INPP5F: variants seen among roughly 807,000 people sequenced by gnomAD.
The protein encoded by INPP5F is phosphatidylinositide 4-phosphatase SAC2.
A neutral mutation model predicts 137.2 loss-of-function variants in INPP5F; 97 were observed. The ratio of observed to expected loss-of-function variants is 0.71; its 90% CI spans 0.60 to 0.84. The LOEUF (loss-of-function observed/expected upper bound fraction) is 0.84, where lower values mean the gene tolerates loss of function less well. INPP5F is among the 40% of genes least tolerant of loss of function. The probability of loss-of-function intolerance (pLI) is 0.00; values close to 1 mark genes in which losing one functional copy is unlikely to be tolerated. For missense variants in INPP5F, 1,271 were observed against 1,371.9 expected (o/e 0.93, Z 1.16); for synonymous variants, 504 against 476.9 (o/e 1.06, Z -0.74).
At chr10:119,806,157 A>T (rs750076276) in intron 11 of INPP5F, among the ~76,000 whole-genome samples, 53 of 151,516 alleles carry the variant, frequency 3.5e-4, no homozygotes, top group Admixed American at 5.9e-4. Flanking sequence ...TTTCCTTAAG[A>T]TGAGGATAAT....
chr10:119,796,622 A>C, intron 6 of INPP5F, 93 bp from the exon 7 acceptor site: 1 of 993,258 alleles, frequency 1.0e-6, no homozygotes, highest in Admixed American at 1.7e-5. Flanking sequence ...TGCTTCTAAT[A>C]AACTGAGAAA....
At position 119,755,706 on chromosome 10, in the gene INPP5F, C is replaced by T. The variant is rs1459605709; in HGVS notation, c.178+4550C>T. The stretch of plus-strand genomic sequence containing the variant: ...TCAAGTATCGTTGGCTAGGAACCCA[C>T]TCCAGATGTGGACTAATTCTGAAAG... On this transcript the variant is annotated intron_variant, in intron 2 of 19. Coordinates refer to ENST00000650623, the MANE Select transcript of INPP5F (RefSeq NM_014937.4). Among the ~76,000 whole-genome samples, 3 of 152,202 alleles carry T rather than the reference C, an allele frequency of 2.0e-5. No homozygotes were observed. The East Asian group carries it at 5.8e-4, about 29-fold the overall frequency.
At chr10:119,785,286 G>GTTTTTTTTTTTTTTTTGTTTTTTT (rs1849849539) in intron 3 of INPP5F, among the ~76,000 whole-genome samples, 12 of 106,238 alleles carry the variant, frequency 1.1e-4, no homozygotes, top group African/African-American at 4.5e-4. Context: ...CTGCCAGACT[G>GTTTTTTTTTTTTTTTTGTTTTTTT]TTTTTTTTTT....
chr10:119,764,512 G>T lies in INPP5F; in HGVS notation c.178+13356G>T, dbSNP rs149036515. Among the ~76,000 whole-genome samples the T allele has an allele frequency of 3.3e-5, 5 of 151,966 alleles. No homozygotes were observed. In the East Asian group the frequency reaches 9.7e-4, roughly 29 times the overall value. ...TCAGCTTACTTAACATGAAGATAAG[G>T]ATGAAGACCTTTATAATGACCCACT... On this transcript the variant is annotated intron_variant, in intron 2 of 19. Transcript: ENST00000650623.
intron 6 of INPP5F, among the ~76,000 whole-genome samples, chr10:119,794,492 A>C (rs973612336): frequency 2.6e-5 from 4 of 151,838 alleles, no homozygotes. Flanking sequence ...TATTCCACAA[A>C]ACCGCCATTG....
In INPP5F at chr10:119,792,041, C is replaced by T. The variant is rs936111076; in HGVS notation, c.612+5C>T. 1.9e-6 allele frequency: 3 copies of T among 1,614,072 alleles called. No individual in the cohort carries two copies. The highest frequency in any genetic ancestry group is 1.3e-5 in the African/African-American group (1 of 74,924). On this transcript the variant is annotated splice_donor_5th_base_variant and intron_variant, in intron 5 of 19. Coordinates refer to ENST00000650623, the MANE Select transcript of INPP5F (RefSeq NM_014937.4). The stretch of plus-strand genomic sequence containing the variant: ...GGTCGGCCCCTCTGGCAGAAGGTAC[C>T]ACTCACAGCTCGTAGAGCAGGGTTT...
chr10:119,818,026 C>T lies in INPP5F; in HGVS notation c.1887-2820C>T, dbSNP rs578020515. On this transcript the variant is annotated intron_variant, in intron 15 of 19. Transcript: ENST00000650623. ...GGAAGTAGGCCTGGCTGCGGGGTCG[C>T]GGCCTAGGGCATTGGTCGCCGGATA... 5.3e-5 allele frequency among the ~76,000 whole-genome samples: 8 copies of T among 152,322 alleles called. No homozygotes were observed. In the South Asian group the frequency reaches 1.5e-3, roughly 28 times the overall value.
At position 119,808,036 on chromosome 10, in the gene INPP5F, G is replaced by C; in HGVS notation, c.1545G>C (p.Gln515His). 1 of 1,613,610 alleles carries C rather than the reference G, an allele frequency of 6.2e-7. No homozygotes were observed. The highest frequency in any genetic ancestry group is 8.5e-7 in the Non-Finnish European group (1 of 1,179,912). Residue 515 changes from glutamine (Q) to histidine (H), a missense_variant, in exon 13 of 20, where the codon CAG becomes CAC. Transcript: ENST00000650623. ...WANNGDSISR[Q>H]YAGTAALKGD... Reference sequence around the variant, plus strand: ...ATAATGGTGACTCCATTAGCAGACAGTATGCTGGGACAGCTGCTCTGAAGG... The same window carrying C: ...ATAATGGTGACTCCATTAGCAGACACTATGCTGGGACAGCTGCTCTGAAGG...
intron 2 of INPP5F, among the ~76,000 whole-genome samples, chr10:119,765,775 GTGTGTGTGTA>G (rs1250560625): frequency 2.7e-5 from 4 of 146,744 alleles, no homozygotes; most frequent in African/African-American, 1.0e-4. Context: ...GTGTGTGTGT[GTGTGTGTGTA>G]TAGTGTATAT....
At chr10:119,737,914 A>G (rs1301631003) in intron 1 of INPP5F, among the ~76,000 whole-genome samples, 2 of 151,184 alleles carry the variant, frequency 1.3e-5, no homozygotes, top group Non-Finnish European at 2.9e-5. Context: ...TTTTTCTTTT[A>G]AGACACAGTG....
intron 19 of INPP5F, among the ~76,000 whole-genome samples, chr10:119,824,312 T>C (rs1173238368): frequency 6.6e-6 from 1 of 152,240 alleles, no homozygotes; most frequent in African/African-American, 2.4e-5. Flanking sequence ...ACACTGCATT[T>C]AGTTGTCTCT....
At chr10:119,757,425 T>TGAAAGAAAAGTATA (rs1309428037) in intron 2 of INPP5F, among the ~76,000 whole-genome samples, 1 of 151,266 alleles carries the variant, frequency 6.6e-6, no homozygotes, top group African/African-American at 2.4e-5. Flanking sequence ...ATCAAATAGG[T>TGAAAGAAAAGTATA]GAAAGAAAAG....
intron 3 of INPP5F, among the ~76,000 whole-genome samples, chr10:119,789,193 C>G (rs1007719967): frequency 6.6e-6 from 1 of 151,302 alleles, no homozygotes; most frequent in Non-Finnish European, 1.5e-5. Flanking sequence ...CCATTACACT[C>G]CAGCCTGGGC....
intron 2 of INPP5F, among the ~76,000 whole-genome samples, chr10:119,756,566 G>T (rs1848849239): frequency 6.6e-6 from 1 of 151,836 alleles, no homozygotes; most frequent in Admixed American, 6.6e-5. Flanking sequence ...AACCCAGGAG[G>T]TAGATGTTGC....
intron 2 of INPP5F, among the ~76,000 whole-genome samples, chr10:119,754,311 T>C (rs930305502): frequency 3.9e-5 from 6 of 152,132 alleles, no homozygotes; most frequent in Admixed American, 3.3e-4. Context: ...CAAATGTAAG[T>C]TTGTTAATGG....
At chr10:119,735,235 T>G (rs1045944915) in intron 1 of INPP5F, among the ~76,000 whole-genome samples, 3 of 152,218 alleles carry the variant, frequency 2.0e-5, no homozygotes, top group African/African-American at 7.2e-5. Flanking sequence ...AAATACAGGT[T>G]GATTTTAGGT....
In INPP5F at chr10:119,792,141, C is replaced by G. The variant is rs770689778; in HGVS notation, c.613-16C>G. ...AATAATGTGTTTCTGAACTATTGTT[C>G]CTGCACCTTTTCTAGGTTGATGACC... On this transcript the variant is annotated splice_polypyrimidine_tract_variant and intron_variant, in intron 5 of 19. Transcript: ENST00000650623. 1 of 1,614,052 alleles carries G rather than the reference C, an allele frequency of 6.2e-7. No homozygotes were observed. The highest frequency in any genetic ancestry group is 8.5e-7 in the Non-Finnish European group (1 of 1,179,998).
rs7088508 is a variant in INPP5F at position 119,819,631 on chromosome 10, G to C, written c.1887-1215G>C. 1,005 of 937,936 alleles carry C rather than the reference G, an allele frequency of 1.1e-3. 4 individuals are homozygous for C. The African/African-American group carries it at 0.016, about 15-fold the overall frequency. The allele number at this position is 937,936 out of a possible 1,614,324, so 58.1% of individuals were successfully genotyped here. ...CTGGATCGGTCTCCTTTTCCCATTG[G>C]TTAATTGGTTAATGCTCAGATTTTG... is the stretch of plus-strand genomic sequence containing the variant. On this transcript the variant is annotated intron_variant, in intron 15 of 19. Coordinates refer to ENST00000650623, the MANE Select transcript of INPP5F (RefSeq NM_014937.4).
At chr10:119,736,893 A>G (rs1231819217) in intron 1 of INPP5F, among the ~76,000 whole-genome samples, 2 of 152,324 alleles carry the variant, frequency 1.3e-5, no homozygotes, top group East Asian at 3.9e-4. Flanking sequence ...AATGTGGGAT[A>G]GCTCACTGCA....
Sources: allele counts gnomAD v4.1 joint callset (sites outside exome capture counted in the v4.1 genomes callset), GRCh38; gene constraint gnomAD v4.1.1; transcripts MANE v1.5; gene names NCBI Gene and HGNC (gene_info 2026-07-23, HGNC 2026-07-21).